The following NTM variants were observed in gnomAD, a reference collection of about 807,000 sequenced individuals.
NTM encodes the protein IgLON family member 2.
Under a neutral mutation model 42.1 loss-of-function variants are expected in NTM, and 13 were observed. The observed-to-expected ratio is 0.31, with a 90% CI of 0.20 to 0.49. NTM has a LOEUF of 0.49. Among genes scored for constraint, NTM ranks in the 20% least tolerant of loss-of-function variants. NTM has a pLI of 0.99. For missense variants in NTM, 373 were observed against 452.8 expected, an observed-to-expected ratio of 0.82 and a Z score of 1.60; for synonymous variants, 187 against 179.2, an observed-to-expected ratio of 1.04 and a Z score of -0.35.
intron 2 of NTM, chr11:132,141,198 C>G (rs1431790466): frequency 6.6e-6 from 1 of 151,788 alleles, no homozygotes; most frequent in East Asian, 1.9e-4. Flanking sequence ...TTTTTTCTTC[C>G]AATTCCCAGG....
intron 2 of NTM, among the ~76,000 whole-genome samples, chr11:132,040,383 A>C (rs2077030093): frequency 6.6e-6 from 1 of 152,262 alleles, no homozygotes; most frequent in African/African-American, 2.4e-5. Flanking sequence ...TTTCTGAAGG[A>C]TTCTAAGACA....
chr11:132,167,897 C>T (rs1336987881), intron 3 of NTM, among the ~76,000 whole-genome samples: 2 of 152,168 alleles, frequency 1.3e-5, no homozygotes, highest in Non-Finnish European at 2.9e-5. Context: ...AGGATGAAGC[C>T]TGTTTTGCCC....
chr11:131,720,008 G>A (rs1259866818), intron 1 of NTM, among the ~76,000 whole-genome samples: 4 of 152,068 alleles, frequency 2.6e-5, no homozygotes, highest in East Asian at 3.8e-4. Flanking sequence ...TTTGTGGGAG[G>A]GAATATAGGC....
intron 1 of NTM, among the ~76,000 whole-genome samples, chr11:131,803,256 G>GA (rs1343644999): frequency 6.6e-6 from 1 of 151,856 alleles, no homozygotes; most frequent in Non-Finnish European, 1.5e-5. Context: ...TTCCTTCCCA[G>GA]AAAACTCCTC....
intron 1 of NTM, among the ~76,000 whole-genome samples, chr11:131,447,847 G>A (rs570585508): frequency 1.4e-4 from 21 of 152,278 alleles, no homozygotes; most frequent in South Asian, 6.2e-4. Flanking sequence ...AACCGCAGCC[G>A]CCATCATGCA....
At chr11:131,649,855 C>T (rs1185835000) in intron 1 of NTM, among the ~76,000 whole-genome samples, 7 of 152,150 alleles carry the variant, frequency 4.6e-5, no homozygotes, top group Non-Finnish European at 1.5e-5. Context: ...GCTTGTTTTG[C>T]AAAGTTAGCA....
intron 1 of NTM, among the ~76,000 whole-genome samples, chr11:131,482,954 G>A (rs146857391): frequency 3.9e-5 from 6 of 152,324 alleles, no homozygotes; most frequent in East Asian, 3.9e-4. Flanking sequence ...AGAAGCACAC[G>A]CAGAGGAAAG....
intron 1 of NTM, among the ~76,000 whole-genome samples, chr11:131,620,048 C>T (rs968658215): frequency 6.6e-6 from 1 of 152,122 alleles, no homozygotes; most frequent in African/African-American, 2.4e-5. Context: ...TATGATCTGC[C>T]TGCCTCAGCC....
At chr11:131,566,012 T>A (rs2056844398) in intron 1 of NTM, among the ~76,000 whole-genome samples, 1 of 152,146 alleles carries the variant, frequency 6.6e-6, no homozygotes, top group Non-Finnish European at 1.5e-5. Flanking sequence ...ACCTCAAGCC[T>A]GAAGTGGTTA....
intron 1 of NTM, among the ~76,000 whole-genome samples, chr11:131,614,507 G>A (rs2061736164): frequency 6.6e-6 from 1 of 152,210 alleles, no homozygotes. Flanking sequence ...AAAGCTGTGA[G>A]GGGACTAGAC....
chr11:131,797,196 C>T (rs1034049577), intron 1 of NTM, among the ~76,000 whole-genome samples: 7 of 152,092 alleles, frequency 4.6e-5, no homozygotes, highest in Non-Finnish European at 8.8e-5. Context: ...GTATGTTTTT[C>T]GTTGTTTTTT....
intron 1 of NTM, among the ~76,000 whole-genome samples, chr11:131,607,711 A>G (rs779936921): frequency 3.3e-5 from 5 of 152,150 alleles, no homozygotes; most frequent in Non-Finnish European, 7.3e-5. Context: ...ATTTTCATGT[A>G]GCATTTATTA....
intron 3 of NTM, among the ~76,000 whole-genome samples, chr11:132,156,950 C>T (rs890879082): frequency 6.6e-6 from 1 of 152,192 alleles, no homozygotes; most frequent in African/African-American, 2.4e-5. Flanking sequence ...TATGAAGATG[C>T]TGACCCTCAG....
chr11:131,442,182 A>G (rs1591675166), intron 1 of NTM, among the ~76,000 whole-genome samples: 1 of 152,224 alleles, frequency 6.6e-6, no homozygotes, highest in Non-Finnish European at 1.5e-5. Flanking sequence ...GACATGTGGC[A>G]TGGGAACCCG....
intron 3 of NTM, among the ~76,000 whole-genome samples, chr11:132,162,598 G>T (rs1298820388): frequency 3.4e-4 from 51 of 148,914 alleles, no homozygotes; most frequent in Admixed American, 3.4e-3. Flanking sequence ...TGTTTGTGGG[G>T]CATGTGTGGG....
intron 1 of NTM, among the ~76,000 whole-genome samples, chr11:131,750,075 A>G (rs1380304040): frequency 6.6e-6 from 1 of 152,200 alleles, no homozygotes; most frequent in Non-Finnish European, 1.5e-5. Flanking sequence ...CCCTGACCTT[A>G]GGTGGAAAGC....
chr11:131,747,431 G>T (rs2081957838), intron 1 of NTM, among the ~76,000 whole-genome samples: 1 of 152,088 alleles, frequency 6.6e-6, no homozygotes, highest in South Asian at 2.1e-4. Flanking sequence ...TCAGCCTTTT[G>T]CTTGCCATTC....
At chr11:132,133,242 G>C (rs1053217518) in intron 2 of NTM, among the ~76,000 whole-genome samples, 7 of 152,066 alleles carry the variant, frequency 4.6e-5, no homozygotes, top group Admixed American at 4.6e-4. Flanking sequence ...CATTAGACTA[G>C]GCTGGGTTCC....
intron 1 of NTM, chr11:131,911,125 C>G (rs1347018961): frequency 3.2e-6 from 4 of 1,237,692 alleles, no homozygotes; most frequent in Non-Finnish European, 4.1e-6. Flanking sequence ...TCCAAAGTGC[C>G]GTGTCTGAAC....
Sources: allele counts gnomAD v4.1 joint callset (sites outside exome capture counted in the v4.1 genomes callset), GRCh38; gene constraint gnomAD v4.1.1; transcripts MANE v1.5; gene names NCBI Gene and HGNC (gene_info 2026-07-23, HGNC 2026-07-21).